The following PTPRG variants were observed in gnomAD, a reference collection of about 807,000 sequenced individuals.
PTPRG encodes the protein receptor-type tyrosine-protein phosphatase gamma.
PTPRG carries 102 observed loss-of-function variants against 165.3 expected under a neutral mutation model. The ratio of observed to expected loss-of-function variants is 0.62; its 90% confidence interval spans 0.53 to 0.73. The LOEUF (loss-of-function observed/expected upper bound fraction) is 0.73. PTPRG is among the 30% of genes least tolerant of loss of function. The pLI is 0.00. For synonymous variants in PTPRG, 675 were observed against 669.5 expected (o/e 1.01, Z -0.13); for missense variants, 1,866 against 1,861.4 (o/e 1.00, Z -0.05).
At chr3:61,917,631 A>G (rs994066115) in intron 2 of PTPRG, among the ~76,000 whole-genome samples, 6 of 152,178 alleles carry the variant, frequency 3.9e-5, no homozygotes, top group Admixed American at 2.6e-4. Flanking sequence ...GTTGCTTTTC[A>G]GAAGAATCCA....
rs1469110914 is a variant in PTPRG, at chr3:62,203,359, G to A, written c.1564G>A (p.Gly522Ser). 11 of 1,613,046 alleles carry A rather than the reference G, an allele frequency of 6.8e-6. No individual in the cohort carries two copies. Among genetic ancestry groups the A allele is most frequent in the Admixed American group, 1.7e-5 (1 of 59,974 alleles). The change falls in exon 12 of 30, where the codon GGC becomes AGC. Residue 522 changes from glycine (G) to serine (S), a missense_variant. This residue lies in a region of PTPRG where 1,452 missense variants were observed against 1,463.0 expected (regional missense o/e 0.99). Transcript: ENST00000474889. The surrounding 1 kb of genome is among the most constrained non-coding windows in gnomAD (Gnocchi z 6.4). ...TSTLLAGLGF[G>S]GGGISSFPST... is the part of the protein sequence containing the mutation. The stretch of plus-strand genomic sequence containing the variant: ...CACGCTGCTCGCCGGCCTGGGGTTC[G>A]GCGGTGGTGGCATCTCCTCTTTCCC...
At position 62,231,231 on chromosome 3, in the gene PTPRG, T is replaced by TAAC. The variant is rs2106921858; in HGVS notation, c.2298_2300dup (p.Asn766dup). 1 of 1,574,538 alleles carries TAAC rather than the reference T, an allele frequency of 6.4e-7. No homozygotes were observed. Among genetic ancestry groups the TAAC allele is most frequent in the East Asian group, 2.3e-5 (1 of 42,752 alleles). ...TTGTTTTTTGTCCATTTAGAGGGTG[T>TAAC]AACAAAATAAAGTCCAAGGGCTTTC... On this transcript the variant is annotated inframe_insertion, in exon 14 of 30. Transcript: ENST00000474889.
intron 2 of PTPRG, among the ~76,000 whole-genome samples, chr3:61,981,808 TA>T (rs1389382019): frequency 9.9e-5 from 15 of 152,214 alleles, no homozygotes; most frequent in Non-Finnish European, 1.5e-5. Context: ...TGAATTCTTA[TA>T]AAACATCACC....
intron 2 of PTPRG, among the ~76,000 whole-genome samples, chr3:61,845,066 G>T (rs539516586): frequency 1.6e-4 from 25 of 152,292 alleles, no homozygotes; most frequent in African/African-American, 4.8e-4. Context: ...AGGGAAAATT[G>T]ATTCATTCAT....
At chr3:61,667,276 C>T (rs1053259418) in intron 1 of PTPRG, among the ~76,000 whole-genome samples, 2 of 152,048 alleles carry the variant, frequency 1.3e-5, no homozygotes, top group Admixed American at 6.6e-5. Flanking sequence ...ATTCTAACCT[C>T]GATGTATCTT....
At chr3:62,159,902 T>C (rs1704682380) in intron 7 of PTPRG, among the ~76,000 whole-genome samples, 1 of 152,180 alleles carries the variant, frequency 6.6e-6, no homozygotes, top group African/African-American at 2.4e-5. Flanking sequence ...GTGTCAGCCC[T>C]TGGAAAGGAA....
intron 6 of PTPRG, among the ~76,000 whole-genome samples, chr3:62,139,327 C>T (rs1051355301): frequency 6.6e-5 from 10 of 151,940 alleles, no homozygotes; most frequent in Admixed American, 6.6e-5. Context: ...GGCTTGGTGG[C>T]GGGCACCTGT....
chr3:61,729,977 G>A (rs2032426493), intron 1 of PTPRG, among the ~76,000 whole-genome samples: 1 of 152,164 alleles, frequency 6.6e-6, no homozygotes, highest in South Asian at 2.1e-4. Flanking sequence ...TCCCAAGATT[G>A]TTGCCCATAA....
intron 5 of PTPRG, among the ~76,000 whole-genome samples, chr3:62,085,508 C>G (rs1422558490): frequency 6.6e-6 from 1 of 152,178 alleles, no homozygotes; most frequent in Non-Finnish European, 1.5e-5. Context: ...GCGTTTATCT[C>G]ACTAGGTGAT....
intron 5 of PTPRG, among the ~76,000 whole-genome samples, chr3:62,089,473 A>T (rs1158354931): frequency 2.0e-5 from 3 of 152,364 alleles, no homozygotes; most frequent in Admixed American, 6.5e-5. Context: ...GAAACGGTCT[A>T]TTGCAAGAAC....
chr3:61,775,210 A>G (rs2034336048), intron 2 of PTPRG, among the ~76,000 whole-genome samples: 1 of 152,084 alleles, frequency 6.6e-6, no homozygotes, highest in Admixed American at 6.6e-5. Flanking sequence ...AGCTGGGATT[A>G]CAGGCATTTG....
intron 17 of PTPRG, chr3:62,263,479 T>G (rs923227584): frequency 6.6e-6 from 1 of 152,628 alleles, no homozygotes; most frequent in African/African-American, 2.4e-5. Flanking sequence ...CACAAGCTAC[T>G]TCTATGGCTA....
intron 15 of PTPRG, among the ~76,000 whole-genome samples, chr3:62,248,828 T>C (rs1280363305): frequency 2.0e-5 from 3 of 152,192 alleles, no homozygotes; most frequent in Non-Finnish European, 4.4e-5. Flanking sequence ...TGCTAACCAG[T>C]AGCTTAGAAA....
chr3:61,772,019 C>T (rs1379883310), intron 2 of PTPRG, among the ~76,000 whole-genome samples: 1 of 145,738 alleles, frequency 6.9e-6, no homozygotes, highest in African/African-American at 2.5e-5. Context: ...GAGACGATGC[C>T]TCTGCACTCC....
chr3:62,202,228 T>C (rs761124673), intron 11 of PTPRG, among the ~76,000 whole-genome samples: 3 of 152,124 alleles, frequency 2.0e-5, no homozygotes, highest in Non-Finnish European at 4.4e-5. Context: ...TTTCCTAAGA[T>C]ACCTTATGTG....
Position 62,073,197 on chromosome 3 carries a change from C to G in PTPRG, c.520-4966C>G, listed in dbSNP as rs555826722. Among the ~76,000 whole-genome samples the G allele has an allele frequency of 1.4e-3, 210 of 152,172 alleles. 1 individual carries two copies. The highest frequency in any genetic ancestry group is 1.7e-3 in the Non-Finnish European group (114 of 68,008). On this transcript the variant is annotated intron_variant, in intron 4 of 29. Transcript: ENST00000474889. ...AAACTGCAGTGCAGGGAAAGCAATT[C>G]CTTACTCTAGAATGCCAGTAATGAA...
At position 61,568,346 on chromosome 3, in the gene PTPRG, C is replaced by T. The variant is rs540018940; in HGVS notation, c.85+5974C>T. Among the ~76,000 whole-genome samples, 3 of 152,240 alleles carry T rather than the reference C, an allele frequency of 2.0e-5. No individual in the cohort carries two copies. The South Asian group carries it at 6.2e-4, about 32-fold the overall frequency. On this transcript the variant is annotated intron_variant, in intron 1 of 29. Transcript: ENST00000474889. ...AGTCTGTGATGATTGAGATGTAGAA[C>T]AGATAAATTTGTGGTTAACTCAGTA...
chr3:62,039,262 T>C (rs1176626921), intron 4 of PTPRG, among the ~76,000 whole-genome samples: 2 of 130,162 alleles, frequency 1.5e-5, no homozygotes, highest in Non-Finnish European at 3.3e-5. Flanking sequence ...TTTTTGGTTT[T>C]GTTTTTGTTT....
chr3:62,020,715 G>GT (rs2041668933), intron 4 of PTPRG, among the ~76,000 whole-genome samples: 1 of 151,862 alleles, frequency 6.6e-6, no homozygotes, highest in African/African-American at 2.4e-5. Flanking sequence ...TGTTGTTGTT[G>GT]TTGTTTGTTT....
Sources: allele counts gnomAD v4.1 joint callset (sites outside exome capture counted in the v4.1 genomes callset), GRCh38; gene constraint gnomAD v4.1.1; regional missense constraint gnomAD v4.1.1; non-coding constraint Gnocchi (gnomAD v3.1); transcripts MANE v1.5; gene names NCBI Gene and HGNC (gene_info 2026-07-23, HGNC 2026-07-21).